Variants in BMP5 observed in about 807,000 individuals in gnomAD.
BMP5 encodes bone morphogenetic protein 5.
BMP5 carries 23 observed loss-of-function variants against 46.6 expected under a neutral mutation model. The ratio of observed to expected loss-of-function variants is 0.49; its 90% CI spans 0.35 to 0.70. BMP5 has a LOEUF of 0.70. Among genes scored for constraint, BMP5 ranks in the 30% least tolerant of loss-of-function variants. The pLI, the probability that BMP5 is intolerant of heterozygous loss-of-function variation, is 0.00. For synonymous variants in BMP5, 204 were observed against 191.9 expected, an observed-to-expected ratio of 1.06 and a Z score of -0.52; for missense variants, 545 against 565.6, an observed-to-expected ratio of 0.96 and a Z score of 0.37.
At chr6:55,853,808 C>G (rs186139332) in intron 1 of BMP5, among the ~76,000 whole-genome samples, 2 of 152,160 alleles carry the variant, frequency 1.3e-5, no homozygotes, top group Non-Finnish European at 2.9e-5. Flanking sequence ...AACTGAAGTA[C>G]GGTTATATTT....
intron 2 of BMP5, among the ~76,000 whole-genome samples, chr6:55,812,130 G>A (rs927022348): frequency 6.6e-6 from 1 of 152,168 alleles, no homozygotes; most frequent in African/African-American, 2.4e-5. Flanking sequence ...TGTGACTATA[G>A]AGCAATGCCT....
Position 55,875,263 on chromosome 6 carries a change from A to C in BMP5, c.-398T>G. ...ATCTTCTGATAAACTGTAGTTCCCA[A>C]AGTAATCTTCACTTGCTTTTGAGTT... On this transcript the variant is annotated 5_prime_UTR_variant, in exon 1 of 7. Transcript: ENST00000370830. 4.6e-6 allele frequency: 1 copy of C among 215,478 alleles called. No homozygotes were observed. Among genetic ancestry groups the C allele is most frequent in the Non-Finnish European group, 9.3e-6 (1 of 106,962 alleles). The allele number at this position is 215,478 out of a possible 1,614,324, so 13.3% of individuals were successfully genotyped here.
At chr6:55,813,017 G>C (rs1776170563) in intron 2 of BMP5, among the ~76,000 whole-genome samples, 1 of 152,028 alleles carries the variant, frequency 6.6e-6, no homozygotes, top group Admixed American at 6.6e-5. Context: ...TTCCAAAGCA[G>C]TGGTAAATTT....
chr6:55,827,036 G>A (rs150866956), intron 1 of BMP5, among the ~76,000 whole-genome samples: 83 of 151,744 alleles, frequency 5.5e-4, no homozygotes, highest in African/African-American at 1.7e-3. Flanking sequence ...CATTCTTAGC[G>A]TGCTCTCTCC....
chr6:55,807,668 C>T (rs1459724511), intron 2 of BMP5, among the ~76,000 whole-genome samples: 2 of 152,050 alleles, frequency 1.3e-5, no homozygotes, highest in Non-Finnish European at 2.9e-5. Flanking sequence ...TGGTAGAATC[C>T]GGCTGTTAAT....
chr6:55,844,937 T>C (rs371616713), intron 1 of BMP5, among the ~76,000 whole-genome samples: 10 of 152,170 alleles, frequency 6.6e-5, no homozygotes, highest in African/African-American at 2.4e-4. Flanking sequence ...CATTTTAAGT[T>C]CATTTCAAAA....
At chr6:55,770,661 G>A (rs1465083730) in intron 4 of BMP5, among the ~76,000 whole-genome samples, 1 of 151,898 alleles carries the variant, frequency 6.6e-6, no homozygotes. Context: ...CAATCTATCT[G>A]GACTTTCAAC....
chr6:55,758,784 T>G (rs1020733660), intron 6 of BMP5, among the ~76,000 whole-genome samples: 1 of 151,878 alleles, frequency 6.6e-6, no homozygotes, highest in African/African-American at 2.4e-5. Context: ...ACTCCAGTTT[T>G]CCTAGCTGAA....
intron 2 of BMP5, among the ~76,000 whole-genome samples, chr6:55,801,406 C>A (rs1435932216): frequency 6.6e-6 from 1 of 152,180 alleles, no homozygotes; most frequent in Non-Finnish European, 1.5e-5. Context: ...GACTTGGCGG[C>A]TAGAAAGTCA....
At chr6:55,758,956 A>G in intron 6 of BMP5, 49 bp downstream of exon 6, 5 of 1,226,932 alleles carry the variant, frequency 4.1e-6, no homozygotes, top group Non-Finnish European at 6.0e-6. Flanking sequence ...CAACTTTATA[A>G]TATGCTTGCA....
At chr6:55,854,115 C>A (rs1416735231) in intron 1 of BMP5, among the ~76,000 whole-genome samples, 1 of 152,028 alleles carries the variant, frequency 6.6e-6, no homozygotes, top group African/African-American at 2.4e-5. Context: ...AAAAAGGTTT[C>A]TATGAATTTC....
At chr6:55,823,503 G>A (rs1439606965) in intron 1 of BMP5, among the ~76,000 whole-genome samples, 1 of 151,804 alleles carries the variant, frequency 6.6e-6, no homozygotes, top group Non-Finnish European at 1.5e-5. Flanking sequence ...TTTAATCCCC[G>A]TGACCCTACT....
intron 4 of BMP5, among the ~76,000 whole-genome samples, chr6:55,765,647 A>T (rs1287948920): frequency 6.6e-6 from 1 of 152,078 alleles, no homozygotes; most frequent in East Asian, 1.9e-4. Context: ...TTAAAATGCT[A>T]TTGTTGTTCT....
At chr6:55,770,828 G>C (rs1775031251) in intron 4 of BMP5, among the ~76,000 whole-genome samples, 1 of 151,866 alleles carries the variant, frequency 6.6e-6, no homozygotes, top group Non-Finnish European at 1.5e-5. Flanking sequence ...CAAGAGAAGG[G>C]AAAGAGATGG....
At chr6:55,813,232 AC>A (rs1005760383) in intron 2 of BMP5, among the ~76,000 whole-genome samples, 1 of 152,068 alleles carries the variant, frequency 6.6e-6, no homozygotes. Flanking sequence ...TCATTTCATT[AC>A]CTTTTTTCTC....
intron 1 of BMP5, among the ~76,000 whole-genome samples, chr6:55,853,142 TAAAATAAAATAAA>T (rs1286058096): frequency 1.5e-4 from 1 of 6,856 alleles, no homozygotes; most frequent in Admixed American, 2.8e-3. Flanking sequence ...AATACATAAA[TAAAATAAAATAAA>T]ATAAAATAAA....
intron 1 of BMP5, among the ~76,000 whole-genome samples, chr6:55,873,902 T>C (rs1416572268): frequency 6.6e-6 from 1 of 152,050 alleles, no homozygotes; most frequent in Non-Finnish European, 1.5e-5. Context: ...TAATTTTACC[T>C]CTATATTTTT....
intron 1 of BMP5, among the ~76,000 whole-genome samples, chr6:55,860,157 C>T (rs1777496517): frequency 1.3e-5 from 2 of 152,118 alleles, no homozygotes; most frequent in South Asian, 4.1e-4. Context: ...GGCCTGTAGT[C>T]CCAGGTGCTT....
intron 4 of BMP5, among the ~76,000 whole-genome samples, chr6:55,767,310 T>C (rs1340294216): frequency 1.3e-5 from 2 of 151,994 alleles, no homozygotes; most frequent in Non-Finnish European, 2.9e-5. Flanking sequence ...TTGAACTCCT[T>C]TTGTACCAGT....
Sources: gnomAD v4.1 joint callset for allele counts (sites outside exome capture counted in the v4.1 genomes callset) on GRCh38, gnomAD v4.1.1 for gene constraint, MANE v1.5 for transcripts, NCBI Gene and HGNC (gene_info 2026-07-23, HGNC 2026-07-21) for gene names.